Variants in POU6F2 observed in about 807,000 individuals in gnomAD.
The protein encoded by POU6F2 is POU class 6 homeobox 2.
In POU6F2, 31 loss-of-function variants were observed where a neutral mutation model predicts 71.3. The ratio of observed to expected loss-of-function variants is 0.43; its 90% confidence interval spans 0.33 to 0.59. The LOEUF is 0.59. POU6F2 is among the 20% of genes least tolerant of loss of function. POU6F2 has a pLI of 0.04. For synonymous variants in POU6F2, 347 were observed against 355.7 expected (o/e 0.98, Z 0.27); for missense variants, 783 against 856.8 (o/e 0.91, Z 1.07).
At chr7:39,059,884 GA>G (rs1307915030) in intron 1 of POU6F2, among the ~76,000 whole-genome samples, 1 of 152,092 alleles carries the variant, frequency 6.6e-6, no homozygotes, top group African/African-American at 2.4e-5. Flanking sequence ...CTACAACAGG[GA>G]TGAACCTTGA....
intron 5 of POU6F2, among the ~76,000 whole-genome samples, chr7:39,397,200 T>G (rs1228820612): frequency 1.3e-5 from 2 of 151,990 alleles, no homozygotes; most frequent in African/African-American, 4.8e-5. Flanking sequence ...CATTTGTTGG[T>G]GCTAACTCAC....
At chr7:39,084,270 G>A (rs1282642811) in intron 1 of POU6F2, among the ~76,000 whole-genome samples, 3 of 152,116 alleles carry the variant, frequency 2.0e-5, no homozygotes, top group Non-Finnish European at 4.4e-5. Flanking sequence ...TTAAATGACA[G>A]TGTTTCAAAG....
At chr7:39,038,923 A>G (rs1250519940) in intron 1 of POU6F2, among the ~76,000 whole-genome samples, 1 of 151,882 alleles carries the variant, frequency 6.6e-6, no homozygotes, top group Non-Finnish European at 1.5e-5. Context: ...ACAGAGACAA[A>G]AGAAGGGGAA....
chr7:39,438,865 A>G (rs968586864), intron 7 of POU6F2, among the ~76,000 whole-genome samples: 2 of 152,208 alleles, frequency 1.3e-5, no homozygotes, highest in African/African-American at 4.8e-5. Flanking sequence ...TGTTAGGTCT[A>G]TTAGGTCCAC....
chr7:39,171,291 G>A (rs1456267126), intron 2 of POU6F2, among the ~76,000 whole-genome samples: 2 of 151,722 alleles, frequency 1.3e-5, no homozygotes, highest in East Asian at 1.9e-4. Flanking sequence ...TATTTATCCT[G>A]TAAGTTCTGC....
chr7:39,327,708 C>CAT (rs1015573198), intron 4 of POU6F2, among the ~76,000 whole-genome samples: 17 of 151,444 alleles, frequency 1.1e-4, no homozygotes, highest in Non-Finnish European at 2.1e-4. Context: ...ATTCTGTGTA[C>CAT]ATATATATAT....
chr7:39,351,433 G>A (rs1786137528), intron 5 of POU6F2, among the ~76,000 whole-genome samples: 1 of 152,104 alleles, frequency 6.6e-6, no homozygotes. Flanking sequence ...TGCAGAAAAA[G>A]TTCAAACCTG....
In POU6F2 at chr7:39,465,689, G is replaced by A. The variant is rs1223243146; in HGVS notation, c.*1003G>A. 6.6e-6 allele frequency: 1 copy of A among 152,142 alleles called. No homozygotes were observed. The highest frequency in any genetic ancestry group is 1.5e-5 in the Non-Finnish European group (1 of 68,040). 9.4% of individuals were successfully genotyped at this position (152,142 alleles called of 1,614,324 possible). ...GCAGGAGAGACTCCAAAATAACTAG[G>A]GCTTTGCTCGATGAACTGTCAACAC... is the stretch of plus-strand genomic sequence containing the variant. On this transcript the variant is annotated 3_prime_UTR_variant, in exon 10 of 10. Coordinates refer to ENST00000518318, the MANE Select transcript of POU6F2 (RefSeq NM_001370959.1).
At chr7:39,247,722 C>A (rs1783846113) in intron 4 of POU6F2, among the ~76,000 whole-genome samples, 1 of 152,106 alleles carries the variant, frequency 6.6e-6, no homozygotes, top group African/African-American at 2.4e-5. Flanking sequence ...CATAAGAGAC[C>A]ATGAAGGAAC....
At chr7:39,091,644 C>T (rs999788840) in intron 2 of POU6F2, among the ~76,000 whole-genome samples, 1 of 152,136 alleles carries the variant, frequency 6.6e-6, no homozygotes, top group African/African-American at 2.4e-5. Flanking sequence ...TTGTAGTTCA[C>T]CCAGCCCAGT....
intron 5 of POU6F2, among the ~76,000 whole-genome samples, chr7:39,372,616 C>A (rs1001734870): frequency 6.6e-6 from 1 of 152,176 alleles, no homozygotes; most frequent in Non-Finnish European, 1.5e-5. Context: ...AGTCTACCAA[C>A]TTAAATGTTC....
chr7:39,447,534 T>C (rs1389215358), intron 7 of POU6F2, among the ~76,000 whole-genome samples: 1 of 152,228 alleles, frequency 6.6e-6, no homozygotes, highest in Non-Finnish European at 1.5e-5. Flanking sequence ...TTTCCTCTTC[T>C]GTAATGATAT....
chr7:39,023,748 G>A (rs1236053825), intron 1 of POU6F2, among the ~76,000 whole-genome samples: 7 of 152,050 alleles, frequency 4.6e-5, no homozygotes, highest in East Asian at 1.9e-4. Flanking sequence ...TATTGAACAC[G>A]TAACTATGAT....
chr7:39,062,074 C>T (rs576616873), intron 1 of POU6F2, among the ~76,000 whole-genome samples: 9 of 152,212 alleles, frequency 5.9e-5, no homozygotes, highest in African/African-American at 1.9e-4. Flanking sequence ...CTGGTCTTCT[C>T]TTCTACTTTT....
chr7:39,151,678 T>A (rs892053925), intron 2 of POU6F2, among the ~76,000 whole-genome samples: 1 of 152,218 alleles, frequency 6.6e-6, no homozygotes, highest in South Asian at 2.1e-4. Context: ...AAGGCAGATA[T>A]ATGGCTTCTG....
intron 6 of POU6F2, among the ~76,000 whole-genome samples, chr7:39,414,944 C>A (rs1583584282): frequency 6.6e-6 from 1 of 152,104 alleles, no homozygotes; most frequent in African/African-American, 2.4e-5. Context: ...AGTTCTCTCT[C>A]ACCTAAAGCA....
At chr7:39,374,712 T>C (rs1276843934) in intron 5 of POU6F2, among the ~76,000 whole-genome samples, 5 of 151,826 alleles carry the variant, frequency 3.3e-5, no homozygotes, top group Non-Finnish European at 5.9e-5. Flanking sequence ...TTGGATTGAG[T>C]GGAGGAGTGG....
At chr7:39,450,268 G>T (rs892392795) in intron 7 of POU6F2, among the ~76,000 whole-genome samples, 5 of 152,166 alleles carry the variant, frequency 3.3e-5, no homozygotes, top group Non-Finnish European at 5.9e-5. Flanking sequence ...CACCAAAGTT[G>T]AGGTCCTGAC....
chr7:39,299,179 A>G (rs986906399), intron 4 of POU6F2, among the ~76,000 whole-genome samples: 1 of 152,214 alleles, frequency 6.6e-6, no homozygotes, highest in Non-Finnish European at 1.5e-5. Flanking sequence ...AAAATAAAAT[A>G]AAACAAAAAT....
Sources: allele counts gnomAD v4.1 joint callset (sites outside exome capture counted in the v4.1 genomes callset), GRCh38; gene constraint gnomAD v4.1.1; transcripts MANE v1.5; gene names NCBI Gene and HGNC (gene_info 2026-07-23, HGNC 2026-07-21).